Variants in MYH15 observed in about 807,000 individuals in gnomAD.
MYH15 encodes myosin-15.
MYH15 carries 227 observed loss-of-function variants against 240.5 expected under a neutral mutation model. That is an observed-to-expected ratio of 0.94 (90% CI 0.85 to 1.05). The LOEUF (loss-of-function observed/expected upper bound fraction) is 1.05. MYH15 is among the 50% of genes least tolerant of loss of function. The probability of loss-of-function intolerance (pLI) is 0.00; values close to 1 mark genes in which losing one functional copy is unlikely to be tolerated. For synonymous variants in MYH15, 785 were observed against 796.7 expected (o/e 0.99, Z 0.25); for missense variants, 2,217 against 2,247.5 (o/e 0.99, Z 0.27).
chr3:108,387,251 G>A (rs767939605), intron 38 of MYH15, among the ~76,000 whole-genome samples: 2 of 152,194 alleles, frequency 1.3e-5, no homozygotes, highest in Non-Finnish European at 2.9e-5. Context: ...TTATTTTGAT[G>A]ATTGAGATGA....
At chr3:108,389,378 T>C (rs929957679) in intron 37 of MYH15, among the ~76,000 whole-genome samples, 11 of 152,220 alleles carry the variant, frequency 7.2e-5, no homozygotes, top group Non-Finnish European at 1.2e-4. Context: ...TATGTAAGTA[T>C]AGAGAGTAAG....
intron 32 of MYH15, among the ~76,000 whole-genome samples, chr3:108,407,186 T>C (rs1481211318): frequency 6.6e-6 from 1 of 152,154 alleles, no homozygotes; most frequent in Non-Finnish European, 1.5e-5. Flanking sequence ...TATGGACACA[T>C]TTGCTTGGAA....
At chr3:108,455,710 T>C (rs2083013453) in intron 20 of MYH15, 26 bp downstream of exon 20, 3 of 1,611,900 alleles carry the variant, frequency 1.9e-6, no homozygotes, top group Non-Finnish European at 2.5e-6. Context: ...CGTCTCCAAA[T>C]GCATTCTTTG....
chr3:108,458,074 G>A (rs13085663), intron 18 of MYH15, among the ~76,000 whole-genome samples: 12,107 of 151,918 alleles, frequency 0.08, 531 homozygotes, highest in Middle Eastern at 0.099. Context: ...AAAAGGGAGG[G>A]GTACAGGGAG....
Position 108,500,265 on chromosome 3 carries a change from C to G in MYH15, c.349G>C (p.Gly117Arg). Residue 117 changes from glycine (G) to arginine (R), a missense_variant, in exon 4 of 41, where the codon GGT becomes CGT. Coordinates refer to ENST00000693548, the MANE Select transcript of MYH15 (RefSeq NM_014981.3). ...GGGTTTATGGTCACACAGAAGAGACCTGAATATGTCTGAGGGAAAATCAGA... is the reference window on the plus strand; with the variant it reads ...GGGTTTATGGTCACACAGAAGAGACGTGAATATGTCTGAGGGAAAATCAGA... ...YGQWMIYTYS[G>R]LFCVTINPYK... 6.2e-7 allele frequency: 1 copy of G among 1,605,644 alleles called. No individual in the cohort carries two copies. The highest frequency in any genetic ancestry group is 8.5e-7 in the Non-Finnish European group (1 of 1,177,372).
chr3:108,464,796 T>C lies in MYH15; in HGVS notation c.1573A>G (p.Ile525Val), dbSNP rs746544618. Residue 525 changes from isoleucine (I) to valine (V), a missense_variant, in exon 15 of 41, where the codon ATC (isoleucine) becomes GTC (valine). Physicochemically the swap from Ile to Val is conservative, Grantham distance 29. Coordinates refer to ENST00000693548, the MANE Select transcript of MYH15 (RefSeq NM_014981.3). ...GGAAACATACACTCTTCTTCAAGGA[T>C]GGAAAGGATGCCCATTGGCTGTTGA... ...LIEKPMGILS[I>V]LEEECMFPKA... The C allele has an allele frequency of 3.7e-6, 6 of 1,608,940 alleles. No individual in the cohort carries two copies. Among genetic ancestry groups the C allele is most frequent in the Non-Finnish European group, 4.2e-6 (5 of 1,178,434 alleles).
intron 33 of MYH15, among the ~76,000 whole-genome samples, chr3:108,401,401 T>C (rs1457457717): frequency 9.9e-5 from 15 of 152,088 alleles, no homozygotes; most frequent in Admixed American, 9.8e-4. Flanking sequence ...AGGAGGATCA[T>C]CAGGAGAAAC....
chr3:108,471,512 A>T (rs1315148149), intron 12 of MYH15, among the ~76,000 whole-genome samples: 1 of 152,178 alleles, frequency 6.6e-6, no homozygotes, highest in African/African-American at 2.4e-5. Context: ...GCCCAGCTGC[A>T]GGAAGAAGTC....
chr3:108,498,086 G>T lies in MYH15; in HGVS notation c.584C>A (p.Thr195Asn). The T allele has an allele frequency of 6.2e-7, 1 of 1,614,060 alleles. No individual in the cohort carries two copies. Among genetic ancestry groups the T allele is most frequent in the Non-Finnish European group, 8.5e-7 (1 of 1,179,988 alleles). Reference protein sequence around the residue: ...NSKHIIQYFATIAAMIESRKK... With the variant: ...NSKHIIQYFANIAAMIESRKK... ...CCTGGATTCAATCATGGCTGCTATG[G>T]TGGCAAAATACTGGATAATATGTTT... The change falls in exon 6 of 41, where the codon ACC (threonine) becomes AAC (asparagine). Residue 195 changes from threonine to asparagine, a missense_variant. Physicochemically the swap from Thr to Asn is moderately conservative, Grantham distance 65 (BLOSUM62 0). Coordinates refer to ENST00000693548, the MANE Select transcript of MYH15 (RefSeq NM_014981.3).
intron 30 of MYH15, among the ~76,000 whole-genome samples, chr3:108,412,266 T>G (rs768908737): frequency 3.0e-4 from 46 of 152,188 alleles, no homozygotes; most frequent in Non-Finnish European, 6.0e-4. Context: ...GTTGTTCTCA[T>G]GACAGCGAGT....
Position 108,459,399 on chromosome 3 carries a change from A to C in MYH15, c.1983T>G (p.Phe661Leu), listed in dbSNP as rs777607293. 6.2e-7 allele frequency: 1 copy of C among 1,605,432 alleles called. No homozygotes were observed. Among genetic ancestry groups the C allele is most frequent in the African/African-American group, 1.3e-5 (1 of 74,618 alleles). ...TCACATTGGGATTTATGCATCTCAC[A>C]AAATGAGGTGCTGTTGATTTCAGAT... The part of the protein sequence containing the change: ...MTNLKSTAPH[F>L]VRCINPNVNK... The change falls in exon 18 of 41, where the codon TTT becomes TTG. Residue 661 changes from phenylalanine (F) to leucine (L), a missense_variant. Coordinates refer to ENST00000693548, the MANE Select transcript of MYH15 (RefSeq NM_014981.3).
intron 34 of MYH15, 84 bp from the exon 35 acceptor site, chr3:108,398,924 T>C: frequency 2.7e-6 from 4 of 1,471,762 alleles, no homozygotes; most frequent in Admixed American, 1.7e-5. Context: ...GATCTGACTA[T>C]ATATTTAGAC....
chr3:108,402,788 C>T (rs777206469), intron 33 of MYH15, among the ~76,000 whole-genome samples: 1 of 152,188 alleles, frequency 6.6e-6, no homozygotes, highest in Non-Finnish European at 1.5e-5. Flanking sequence ...CCTGAAGATG[C>T]AGGATGCACC....
intron 23 of MYH15, 41 bp downstream of exon 23, chr3:108,440,977 T>G: frequency 6.2e-7 from 1 of 1,608,710 alleles, no homozygotes; most frequent in Non-Finnish European, 8.5e-7. Context: ...AGTGGAATTC[T>G]GGCTGCTAGG....
chr3:108,411,900 A>C (rs1215433862), intron 30 of MYH15, among the ~76,000 whole-genome samples: 1 of 152,218 alleles, frequency 6.6e-6, no homozygotes, highest in Non-Finnish European at 1.5e-5. Flanking sequence ...TCCAGGAAGC[A>C]TCTAGGCTCT....
Position 108,470,222 on chromosome 3 carries a change from T to G in MYH15, c.1384-10A>C. The stretch of plus-strand genomic sequence containing the variant: ...GCTCAAGGCTATTATACTTCAAGGA[T>G]ATGAATAGGTAAGAAGAAGAGATAA... On this transcript the variant is annotated splice_polypyrimidine_tract_variant and intron_variant, in intron 13 of 40. Coordinates refer to ENST00000693548, the MANE Select transcript of MYH15 (RefSeq NM_014981.3). The G allele has an allele frequency of 6.4e-7, 1 of 1,559,952 alleles. No homozygotes were observed. Among genetic ancestry groups the G allele is most frequent in the Admixed American group, 2.0e-5 (1 of 49,882 alleles).
upstream of MYH15, among the ~76,000 whole-genome samples, chr3:108,511,174 A>G (rs2083520326): frequency 6.6e-6 from 1 of 152,064 alleles, no homozygotes. Flanking sequence ...ACCGTTATAG[A>G]CAGAGTATGG....
intron 23 of MYH15, 56 bp from the exon 24 acceptor site, chr3:108,439,969 C>T (rs1194684237): frequency 6.4e-6 from 9 of 1,416,670 alleles, no homozygotes; most frequent in Non-Finnish European, 6.6e-6. Context: ...TTGGGCATAA[C>T]ACTGAGGGTC....
In MYH15 at chr3:108,485,156, T is replaced by C. The variant is rs2083295073; in HGVS notation, c.1049A>G (p.His350Arg). The C allele has an allele frequency of 8.1e-6, 13 of 1,614,098 alleles. No homozygotes were observed. In the East Asian group the frequency reaches 2.5e-4, roughly 30 times the overall value. ...CTGTTTAAATTTCATATTTCCAAAG[T>C]GCATGATGGCTCCAGTGAGTTTATA... ...GCYKLTGAIM[H>R]FGNMKFKQKP... Residue 350 changes from histidine to arginine, a missense_variant, in exon 11 of 41, where the codon CAC becomes CGC. His to Arg is a conservative substitution (Grantham distance 29, BLOSUM62 0). Coordinates refer to ENST00000693548, the MANE Select transcript of MYH15 (RefSeq NM_014981.3).
Sources: gnomAD v4.1 joint callset for allele counts (sites outside exome capture counted in the v4.1 genomes callset) on GRCh38, gnomAD v4.1.1 for gene constraint, MANE v1.5 for transcripts, NCBI Gene and HGNC (gene_info 2026-07-23, HGNC 2026-07-21) for gene names.